The following RARB variants were observed in gnomAD, a reference collection of about 807,000 sequenced individuals.
The protein encoded by RARB is retinoic acid receptor beta.
Under a neutral mutation model 51.9 loss-of-function variants are expected in RARB, and 17 were observed. The observed-to-expected ratio is 0.33, with a 90% CI of 0.22 to 0.49. The LOEUF is 0.49. Ranked by LOEUF, RARB falls within the 20% of genes least tolerant of loss-of-function variation. RARB has a pLI of 0.99. For synonymous variants in RARB, 215 were observed against 195.4 expected (o/e 1.10, Z -0.84); for missense variants, 369 against 550.8 (o/e 0.67, Z 3.30).
chr3:25,320,876 C>T (rs1166257117), intron 5 of RARB, among the ~76,000 whole-genome samples: 2 of 152,202 alleles, frequency 1.3e-5, no homozygotes, highest in East Asian at 1.9e-4. Flanking sequence ...CCTCAATGTT[C>T]ATCACTTAAT....
chr3:25,128,916 TG>T (rs771712311), intron 3 of RARB, among the ~76,000 whole-genome samples: 2 of 152,100 alleles, frequency 1.3e-5, no homozygotes, highest in Admixed American at 1.3e-4. Flanking sequence ...ATTAGTTAAC[TG>T]GAAGCTAGGT....
At chr3:24,843,099 G>A (rs1409147377) in intron 1 of RARB, among the ~76,000 whole-genome samples, 2 of 152,182 alleles carry the variant, frequency 1.3e-5, no homozygotes, top group Middle Eastern at 3.2e-3. Flanking sequence ...AGTGAATACA[G>A]TATTTTTTTT....
chr3:25,411,533 T>C (rs1200834522), intron 5 of RARB, among the ~76,000 whole-genome samples: 1 of 152,190 alleles, frequency 6.6e-6, no homozygotes, highest in Non-Finnish European at 1.5e-5. Context: ...TAAAGTCATG[T>C]GGGATGTGGA....
At chr3:25,298,258 C>G (rs1703963815) in intron 5 of RARB, among the ~76,000 whole-genome samples, 1 of 151,174 alleles carries the variant, frequency 6.6e-6, no homozygotes, top group African/African-American at 2.4e-5. Context: ...TCTTGGCTCA[C>G]TGCAACCCTT....
intron 5 of RARB, among the ~76,000 whole-genome samples, chr3:25,272,508 C>T (rs1703278516): frequency 6.6e-6 from 1 of 152,218 alleles, no homozygotes; most frequent in Admixed American, 6.5e-5. Flanking sequence ...TCCGTTCCTA[C>T]ATCACTCAGG....
At position 25,222,353 on chromosome 3, in the gene RARB, C is replaced by CT. The variant is rs1036881289; in HGVS notation, c.178+47780dup. The stretch of plus-strand genomic sequence containing the variant: ...GTTTTTCTTTCTTATTGCTGATGTT[C>CT]TTACTCGTCCAAGGATGTTTGACTT... On this transcript the variant is annotated intron_variant, in intron 5 of 11. Coordinates refer to the RARB transcript ENST00000383772. Among the ~76,000 whole-genome samples the CT allele has an allele frequency of 5.9e-5, 9 of 152,248 alleles. 1 individual carries two copies. The highest frequency in any genetic ancestry group is 2.6e-4 in the Admixed American group (4 of 15,286).
chr3:25,457,643 T>G (rs1345029967), intron 1 of RARB, among the ~76,000 whole-genome samples: 2 of 152,338 alleles, frequency 1.3e-5, no homozygotes, highest in East Asian at 3.9e-4. Context: ...CCCAAGTTTC[T>G]TGGGTATTAA....
intron 3 of RARB, among the ~76,000 whole-genome samples, chr3:25,093,139 A>G (rs769969201): frequency 3.3e-5 from 5 of 152,124 alleles, no homozygotes; most frequent in Non-Finnish European, 7.4e-5. Context: ...CACGTTGCTC[A>G]TGAGTTTTGC....
At chr3:25,109,500 T>A (rs921960814) in intron 3 of RARB, among the ~76,000 whole-genome samples, 3 of 152,208 alleles carry the variant, frequency 2.0e-5, no homozygotes, top group African/African-American at 7.2e-5. Flanking sequence ...CATGTTTTTT[T>A]AAACAGTCTC....
At chr3:25,479,037 C>T (rs997982540) in intron 2 of RARB, among the ~76,000 whole-genome samples, 12 of 152,140 alleles carry the variant, frequency 7.9e-5, no homozygotes, top group Non-Finnish European at 1.8e-4. Flanking sequence ...TGGAAGTCGT[C>T]TATGGGCCTT....
In RARB at chr3:25,428,695, A is replaced by T; in HGVS notation, c.-37A>T. On this transcript the variant is annotated 5_prime_UTR_variant, in exon 1 of 8. Transcript: ENST00000330688. The stretch of plus-strand genomic sequence containing the variant: ...TGCCATTTGCCTCCACACCTAGAGG[A>T]TAAGCACTTTTGCAGACATTCAGTG... The T allele has an allele frequency of 6.3e-7, 1 of 1,586,394 alleles. No homozygotes were observed. Among genetic ancestry groups the T allele is most frequent in the Non-Finnish European group, 8.6e-7 (1 of 1,158,894 alleles).
chr3:25,494,924 G>A (rs1696948156), intron 2 of RARB, among the ~76,000 whole-genome samples: 1 of 152,234 alleles, frequency 6.6e-6, no homozygotes, highest in Non-Finnish European at 1.5e-5. Context: ...GCCAGACTGT[G>A]CTAACACTTT....
intron 3 of RARB, among the ~76,000 whole-genome samples, chr3:25,543,508 A>G (rs947915626): frequency 6.6e-6 from 1 of 152,142 alleles, no homozygotes; most frequent in Non-Finnish European, 1.5e-5. Flanking sequence ...TTGGAGGGGC[A>G]ATGTGGCAAA....
At chr3:25,347,440 G>A (rs927563248) in intron 5 of RARB, among the ~76,000 whole-genome samples, 3 of 152,188 alleles carry the variant, frequency 2.0e-5, no homozygotes, top group African/African-American at 7.2e-5. Flanking sequence ...TGTATTTGAT[G>A]ATAGTGTTCT....
At chr3:25,335,761 C>G (rs1008828331) in intron 5 of RARB, among the ~76,000 whole-genome samples, 4 of 152,230 alleles carry the variant, frequency 2.6e-5, no homozygotes, top group Non-Finnish European at 4.4e-5. Flanking sequence ...CTGCCTCTGA[C>G]AACCTCATCT....
intron 5 of RARB, among the ~76,000 whole-genome samples, chr3:25,333,665 A>C (rs1389156792): frequency 6.6e-6 from 1 of 152,224 alleles, no homozygotes; most frequent in East Asian, 1.9e-4. Flanking sequence ...ACAAAAGCCA[A>C]AATTGACAAA....
Position 24,905,830 on chromosome 3 carries a change from T to C in RARB, c.-380+47078T>C, listed in dbSNP as rs913024743. Among the ~76,000 whole-genome samples the C allele has an allele frequency of 2.6e-5, 4 of 152,310 alleles. No homozygotes were observed. In the South Asian group the frequency reaches 6.2e-4, roughly 24 times the overall value. ...TTGATTAATACCTACTTACATATTA[T>C]CCAGTCAGATTTTCTGTTACTTGCC... On this transcript the variant is annotated intron_variant, in intron 2 of 11. Coordinates refer to the RARB transcript ENST00000383772.
intron 5 of RARB, among the ~76,000 whole-genome samples, chr3:25,415,149 T>A (rs1030278775): frequency 1.4e-4 from 21 of 152,198 alleles, no homozygotes; most frequent in African/African-American, 4.3e-4. Flanking sequence ...ACTGTATGAT[T>A]TGTCATTTTA....
chr3:25,116,625 G>A (rs936147692), intron 3 of RARB, among the ~76,000 whole-genome samples: 4 of 151,848 alleles, frequency 2.6e-5, no homozygotes, highest in Admixed American at 1.3e-4. Flanking sequence ...GTCATAACTA[G>A]CTTGCATTAC....
Sources: allele counts gnomAD v4.1 joint callset (sites outside exome capture counted in the v4.1 genomes callset), GRCh38; gene constraint gnomAD v4.1.1; transcripts MANE v1.5; gene names NCBI Gene and HGNC (gene_info 2026-07-23, HGNC 2026-07-21).